Variants in BANK1 observed in about 807,000 individuals in gnomAD.
BANK1 encodes B-cell scaffold protein with ankyrin repeats.
Under a neutral mutation model 94.5 loss-of-function variants are expected in BANK1, and 95 were observed. The observed-to-expected ratio is 1.00, with a 90% CI of 0.85 to 1.19. The LOEUF (loss-of-function observed/expected upper bound fraction) is 1.19, where lower values mean the gene tolerates loss of function less well. Among genes scored for constraint, BANK1 ranks in the 50% most tolerant of loss-of-function variants. The pLI is 0.00. For missense variants in BANK1, 987 were observed against 932.2 expected (o/e 1.06, Z -0.77); for synonymous variants, 334 against 308.4 (o/e 1.08, Z -0.87).
At chr4:102,001,289 C>T (rs1019020292) in intron 7 of BANK1, among the ~76,000 whole-genome samples, 4 of 152,170 alleles carry the variant, frequency 2.6e-5, no homozygotes, top group Non-Finnish European at 5.9e-5. Context: ...ATTCTGTTAC[C>T]ACTTCCTCTC....
intron 7 of BANK1, among the ~76,000 whole-genome samples, chr4:101,966,913 AAATC>A (rs1724786168): frequency 6.6e-6 from 1 of 152,070 alleles, no homozygotes. Flanking sequence ...AACTTTCTCT[AAATC>A]AGAATAACAG....
At chr4:101,972,179 A>G (rs1724980218) in intron 7 of BANK1, among the ~76,000 whole-genome samples, 2 of 152,092 alleles carry the variant, frequency 1.3e-5, no homozygotes, top group Admixed American at 6.6e-5. Flanking sequence ...AGTTTTCAGT[A>G]TATAGGTCTT....
chr4:101,847,895 A>G (rs1727316136), intron 2 of BANK1, among the ~76,000 whole-genome samples: 1 of 151,998 alleles, frequency 6.6e-6, no homozygotes, highest in African/African-American at 2.4e-5. Flanking sequence ...TGCCCCGTTC[A>G]AATTGTTACA....
rs1250547057 is a variant in BANK1 at position 102,006,727 on chromosome 4, A to G, written c.1207-14787A>G. Among the ~76,000 whole-genome samples the G allele has an allele frequency of 3.9e-5, 6 of 151,970 alleles. No individual in the cohort carries two copies. In the South Asian group the frequency reaches 1.2e-3, roughly 31 times the overall value. On this transcript the variant is annotated intron_variant, in intron 7 of 16. Coordinates refer to ENST00000322953, the MANE Select transcript of BANK1 (RefSeq NM_017935.5). The stretch of plus-strand genomic sequence containing the variant: ...TTAATTCCATTTTTTTCTCACCTTC[A>G]TGACAGACAATCTTTCATAAGATAC...
intron 7 of BANK1, among the ~76,000 whole-genome samples, chr4:101,932,980 G>T (rs1477128833): frequency 6.6e-6 from 1 of 151,432 alleles, no homozygotes; most frequent in African/African-American, 2.4e-5. Context: ...CTGTGGTTTT[G>T]AAATGGCTTA....
At chr4:101,877,193 A>G (rs1450418222) in intron 5 of BANK1, among the ~76,000 whole-genome samples, 3 of 152,182 alleles carry the variant, frequency 2.0e-5, no homozygotes, top group Non-Finnish European at 4.4e-5. Flanking sequence ...ATGTCCAAAC[A>G]TGAGAAAGTT....
chr4:101,984,448 T>C (rs182626659), intron 7 of BANK1, among the ~76,000 whole-genome samples: 14 of 152,254 alleles, frequency 9.2e-5, no homozygotes, highest in African/African-American at 2.9e-4. Context: ...GAAGATTTTC[T>C]ATCCAGAAAA....
At chr4:101,842,522 G>A (rs1181501521) in intron 2 of BANK1, among the ~76,000 whole-genome samples, 1 of 152,168 alleles carries the variant, frequency 6.6e-6, no homozygotes, top group Non-Finnish European at 1.5e-5. Flanking sequence ...GAACTGGAAT[G>A]TGGACCAAAT....
intron 7 of BANK1, among the ~76,000 whole-genome samples, chr4:101,926,138 A>G (rs1002540578): frequency 2.6e-4 from 40 of 151,730 alleles, no homozygotes; most frequent in Admixed American, 2.6e-3. Context: ...GATTGGGTAT[A>G]TACTTTTCTA....
At chr4:101,847,411 A>G (rs983814752) in intron 2 of BANK1, among the ~76,000 whole-genome samples, 1 of 151,698 alleles carries the variant, frequency 6.6e-6, no homozygotes, top group Non-Finnish European at 1.5e-5. Context: ...TCCATAAGTT[A>G]TTGGGGTGCA....
intron 4 of BANK1, among the ~76,000 whole-genome samples, chr4:101,864,274 G>A (rs1234968102): frequency 6.6e-6 from 1 of 152,150 alleles, no homozygotes; most frequent in African/African-American, 2.4e-5. Flanking sequence ...TTGGTTGGAT[G>A]GAAACTGCCT....
At chr4:101,810,544 T>C (rs1317784381) in intron 1 of BANK1, among the ~76,000 whole-genome samples, 2 of 152,216 alleles carry the variant, frequency 1.3e-5, no homozygotes, top group Non-Finnish European at 2.9e-5. Flanking sequence ...TAGTCATCTT[T>C]GGCAAGATAT....
At chr4:101,932,245 TAAACC>T (rs767606880) in intron 7 of BANK1, among the ~76,000 whole-genome samples, 2 of 151,654 alleles carry the variant, frequency 1.3e-5, no homozygotes, top group East Asian at 3.9e-4. Flanking sequence ...CTAACCTTAA[TAAACC>T]TAGAATTCAA....
chr4:101,816,334 A>G (rs1464087606), intron 1 of BANK1, among the ~76,000 whole-genome samples: 1 of 152,198 alleles, frequency 6.6e-6, no homozygotes. Context: ...AATGAAATGA[A>G]CATGTCCTTT....
chr4:101,876,688 C>T (rs1728501494), intron 5 of BANK1, among the ~76,000 whole-genome samples: 1 of 152,120 alleles, frequency 6.6e-6, no homozygotes, highest in South Asian at 2.1e-4. Flanking sequence ...AATATGACCT[C>T]ACCAAATGAA....
intron 7 of BANK1, among the ~76,000 whole-genome samples, chr4:101,986,819 A>ATATG (rs1560668058): frequency 5.9e-5 from 8 of 136,656 alleles, no homozygotes; most frequent in African/African-American, 1.9e-4. Flanking sequence ...ATGTATATAT[A>ATATG]TGTGTATATA....
chr4:101,890,409 A>G (rs1283729850), intron 5 of BANK1, among the ~76,000 whole-genome samples: 1 of 151,780 alleles, frequency 6.6e-6, no homozygotes, highest in Non-Finnish European at 1.5e-5. Flanking sequence ...ATCATTATAT[A>G]AGGTCCCTTT....
At chr4:101,985,477 C>T (rs1244697508) in intron 7 of BANK1, among the ~76,000 whole-genome samples, 1 of 151,936 alleles carries the variant, frequency 6.6e-6, no homozygotes, top group Non-Finnish European at 1.5e-5. Flanking sequence ...ATTTAGTTTT[C>T]AAAATTTATT....
intron 2 of BANK1, among the ~76,000 whole-genome samples, chr4:101,841,630 TTA>T (rs1231062334): frequency 6.6e-6 from 1 of 151,650 alleles, no homozygotes; most frequent in East Asian, 1.9e-4. Flanking sequence ...ATTATTATTA[TTA>T]TTATTATTAT....
Sources: gnomAD v4.1 joint callset for allele counts (sites outside exome capture counted in the v4.1 genomes callset) on GRCh38, gnomAD v4.1.1 for gene constraint, MANE v1.5 for transcripts, NCBI Gene and HGNC (gene_info 2026-07-23, HGNC 2026-07-21) for gene names.